GTF3C1: variants seen among roughly 807,000 people sequenced by gnomAD.
GTF3C1 encodes the protein general transcription factor 3C polypeptide 1.
GTF3C1 carries 57 observed loss-of-function variants against 226.7 expected under a neutral mutation model. The observed-to-expected ratio is 0.25, with a 90% CI of 0.20 to 0.31. The LOEUF (loss-of-function observed/expected upper bound fraction) is 0.31, where lower values mean the gene tolerates loss of function less well. Among genes scored for constraint, GTF3C1 ranks in the 10% least tolerant of loss-of-function variants. The probability of loss-of-function intolerance (pLI) is 1.00; values close to 1 mark genes in which losing one functional copy is unlikely to be tolerated. For synonymous variants in GTF3C1, 1,090 were observed against 1,084.8 expected (o/e 1.00, Z -0.09); for missense variants, 2,217 against 2,776.1 (o/e 0.80, Z 4.53).
chr16:27,477,010 GT>G (rs2087960951), intron 28 of GTF3C1, among the ~76,000 whole-genome samples: 1 of 152,222 alleles, frequency 6.6e-6, no homozygotes, highest in African/African-American at 2.4e-5. Flanking sequence ...GGCTTGGCCA[GT>G]GATATTCAAG....
chr16:27,500,019 G>A (rs990221907), intron 12 of GTF3C1, among the ~76,000 whole-genome samples: 2 of 151,966 alleles, frequency 1.3e-5, no homozygotes. Flanking sequence ...AGGTTATGTG[G>A]CCCCCCATGC....
chr16:27,489,943 G>A lies in GTF3C1; in HGVS notation c.3152-200C>T, dbSNP rs1340064821. ...AAGTCAGAGGGAACAGAGGAAGAGA[G>A]TTGGAGTGCTGGTGGGTGACCTAAG... On this transcript the variant is annotated intron_variant, in intron 19 of 36. Coordinates refer to ENST00000356183, the MANE Select transcript of GTF3C1 (RefSeq NM_001520.4). 2.0e-5 allele frequency among the ~76,000 whole-genome samples: 3 copies of A among 152,256 alleles called. No homozygotes were observed. The East Asian group carries it at 5.8e-4, about 29-fold the overall frequency.
chr16:27,467,398 C>G (rs989326805), intron 32 of GTF3C1, among the ~76,000 whole-genome samples: 1 of 152,182 alleles, frequency 6.6e-6, no homozygotes, highest in African/African-American at 2.4e-5. Context: ...AGACCTACTG[C>G]TCAGACTAAA....
In GTF3C1 at chr16:27,484,204, G is replaced by A; in HGVS notation, c.4001+7C>T. ...TCCCGGAGTGACGGGGCTTCAATGA[G>A]GCTTACTTATAGTTGAGATAGGCCT... On this transcript the variant is annotated splice_region_variant and intron_variant, in intron 25 of 36. Transcript: ENST00000356183. The A allele has an allele frequency of 6.3e-7, 1 of 1,595,956 alleles. No homozygotes were observed. Among genetic ancestry groups the A allele is most frequent in the Non-Finnish European group, 8.6e-7 (1 of 1,163,580 alleles).
Position 27,469,614 on chromosome 16 carries a change from C to G in GTF3C1, c.4815-64G>C, listed in dbSNP as rs2087836558. 6.5e-7 allele frequency: 1 copy of G among 1,543,326 alleles called. No individual in the cohort carries two copies. Among genetic ancestry groups the G allele is most frequent in the South Asian group, 1.2e-5 (1 of 82,340 alleles). On this transcript the variant is annotated intron_variant, in intron 31 of 36. Coordinates refer to ENST00000356183, the MANE Select transcript of GTF3C1 (RefSeq NM_001520.4). The surrounding 1 kb of genome is among the most constrained non-coding windows in gnomAD (Gnocchi z 4.5). ...CAGCCAGTTGCTACTGCAGCCTCTC[C>G]CCTCCCTCAAGAGGCCTCTGTGGCT... is the stretch of plus-strand genomic sequence containing the variant.
chr16:27,471,593 G>T lies in GTF3C1; in HGVS notation c.4526+155C>A. 1.6e-6 allele frequency: 1 copy of T among 633,822 alleles called. No homozygotes were observed. The highest frequency in any genetic ancestry group is 2.8e-6 in the Non-Finnish European group (1 of 354,926). The allele number at this position is 633,822 out of a possible 1,614,324, so 39.3% of individuals were successfully genotyped here. A position where few individuals can be genotyped will look rare whatever the true frequency, so the allele number is the denominator to read the frequency against. ...ATCCCCATACCACGAAGGAGGTAAG[G>T]GGCTGCAGGAAACCCAAGCCGGCAT... On this transcript the variant is annotated intron_variant, in intron 30 of 36. Coordinates refer to ENST00000356183, the MANE Select transcript of GTF3C1 (RefSeq NM_001520.4). This position sits in a 1 kb window ranked among gnomAD's most constrained non-coding sequence, Gnocchi z 5.0.
Position 27,471,193 on chromosome 16 carries a change from G to C in GTF3C1, c.4526+555C>G, listed in dbSNP as rs2087862701. Among the ~76,000 whole-genome samples, 1 of 152,256 alleles carries C rather than the reference G, an allele frequency of 6.6e-6. No homozygotes were observed. Among genetic ancestry groups the C allele is most frequent in the Non-Finnish European group, 1.5e-5 (1 of 68,050 alleles). On this transcript the variant is annotated intron_variant, in intron 30 of 36. Coordinates refer to ENST00000356183, the MANE Select transcript of GTF3C1 (RefSeq NM_001520.4). This position sits in a 1 kb window ranked among gnomAD's most constrained non-coding sequence, Gnocchi z 5.0. ...AATGGTGTGAAGGGGAAGCCGTCAA[G>C]ACGGCAGCTTAGGAATGTTCTCAGG...
chr16:27,474,306 C>T (rs1346645607), intron 29 of GTF3C1, among the ~76,000 whole-genome samples: 6 of 152,198 alleles, frequency 3.9e-5, no homozygotes, highest in Admixed American at 3.3e-4. Context: ...TACCACACAT[C>T]AGAGCCCAGG....
chr16:27,546,531 T>C (rs1027165336), intron 1 of GTF3C1, among the ~76,000 whole-genome samples: 72 of 151,010 alleles, frequency 4.8e-4, no homozygotes, highest in Admixed American at 6.6e-5. Context: ...TAATTTTTTT[T>C]CCCCTCACTA....
intron 28 of GTF3C1, among the ~76,000 whole-genome samples, chr16:27,477,684 A>C (rs990320876): frequency 2.0e-5 from 3 of 152,252 alleles, no homozygotes; most frequent in African/African-American, 7.2e-5. Context: ...AAGATACAAA[A>C]TATAAATTAA....
At chr16:27,484,168 A>G (rs750090210) in intron 25 of GTF3C1, 43 bp downstream of exon 25, 2 of 1,462,416 alleles carry the variant, frequency 1.4e-6, no homozygotes, top group East Asian at 4.6e-5. Flanking sequence ...AAACGGGATA[A>G]CGTAACCGTG....
chr16:27,549,631 G>GCCCCCCCCCCCCC, intron 1 of GTF3C1, 39 bp downstream of exon 1: 3 of 691,952 alleles, frequency 4.3e-6, no homozygotes, highest in Non-Finnish European at 4.9e-6. Flanking sequence ...CGGGCCCTGC[G>GCCCCCCCCCCCCC]CCCGCCCGCC....
At chr16:27,502,751 A>G in intron 11 of GTF3C1, 108 bp downstream of exon 11, 1 of 1,131,790 alleles carries the variant, frequency 8.8e-7, no homozygotes, top group African/African-American at 1.5e-5. Context: ...ACACAGTGGG[A>G]CAGAGATTTG....
rs1567392348 is a variant in GTF3C1, at chr16:27,485,876, C to G, written c.3858+121G>C. 39 of 610,970 alleles carry G rather than the reference C, an allele frequency of 6.4e-5. No individual in the cohort carries two copies. The East Asian group carries it at 1.1e-3, about 18-fold the overall frequency. The allele number at this position is 610,970 out of a possible 1,614,324, so 37.8% of individuals were successfully genotyped here. A position where few individuals can be genotyped will look rare whatever the true frequency, so the allele number is the denominator to read the frequency against. On this transcript the variant is annotated intron_variant, in intron 24 of 36. Coordinates refer to ENST00000356183, the MANE Select transcript of GTF3C1 (RefSeq NM_001520.4). ...GTGTAGGATTCTGGGCAATGCTTTT[C>G]CCAGTGGCGAAGCAGAGCAGCTGAG...
intron 5 of GTF3C1, 132 bp from the exon 6 acceptor site, chr16:27,528,853 T>C (rs766947566): frequency 4.5e-6 from 4 of 892,512 alleles, no homozygotes; most frequent in Non-Finnish European, 7.2e-6. Context: ...GAGGAAAGCC[T>C]GCCAAGCTAC....
At position 27,465,552 on chromosome 16, in the gene GTF3C1, C is replaced by A. The variant is rs982595782; in HGVS notation, c.5075-12G>T. On this transcript the variant is annotated splice_polypyrimidine_tract_variant and intron_variant, in intron 32 of 36. Transcript: ENST00000356183. Reference sequence around the variant, plus strand: ...TTCCAGAGGAGCGGCTGTGGGGACACAGAGGAAGATCAGAGGCAGCCCGAC... The same window carrying A: ...TTCCAGAGGAGCGGCTGTGGGGACAAAGAGGAAGATCAGAGGCAGCCCGAC... The A allele has an allele frequency of 1.3e-6, 2 of 1,590,860 alleles. No homozygotes were observed. Among genetic ancestry groups the A allele is most frequent in the South Asian group, 1.1e-5 (1 of 90,244 alleles).
rs760978700 is a variant in GTF3C1, at chr16:27,465,481, G to A, written c.5134C>T (p.Leu1712=). The change falls in exon 33 of 37, where the codon CTG becomes TTG. Residue 1712 remains leucine, a synonymous_variant. Transcript: ENST00000356183. The part of the protein sequence containing the change: ...TSCLPDTFTK[L]INPQENTCSL... ...CAGGTGTTTTCCTGGGGGTTTATCAGCTTGGTGAACGTATCAGGGAGGCAG... is the reference window on the plus strand; with the variant it reads ...CAGGTGTTTTCCTGGGGGTTTATCAACTTGGTGAACGTATCAGGGAGGCAG... 1.9e-6 allele frequency: 3 copies of A among 1,607,822 alleles called. No homozygotes were observed. The African/African-American group carries it at 4.0e-5, about 21-fold the overall frequency.
Position 27,463,052 on chromosome 16 carries a change from G to A in GTF3C1, c.5924+489C>T, listed in dbSNP as rs761304936. 15 of 173,224 alleles carry A rather than the reference G, an allele frequency of 8.7e-5. No homozygotes were observed. Among genetic ancestry groups the A allele is most frequent in the Admixed American group, 1.2e-4 (2 of 17,174 alleles). 10.7% of individuals were successfully genotyped at this position (173,224 alleles called of 1,614,324 possible). ...CTGAGCTCTTGAAAGCCAGGACACA[G>A]GGCACTTGGGCCCTGCCAATCTGGG... On this transcript the variant is annotated intron_variant, in intron 35 of 36. Coordinates refer to ENST00000356183, the MANE Select transcript of GTF3C1 (RefSeq NM_001520.4). This position sits in a 1 kb window ranked among gnomAD's most constrained non-coding sequence, Gnocchi z 4.9.
rs2088132759 is a variant in GTF3C1 at position 27,486,018 on chromosome 16, G to A, written c.3837C>T (p.Ala1279=). The part of the protein sequence containing the change: ...EDGLLVLCRI[A]SNVLNTKVKG... Reference sequence around the variant, plus strand: ...GTACCTTGGTGTTGAGGACATTGCTGGCAATGCGGCACAGCACAAGCAGCC... The same window carrying A: ...GTACCTTGGTGTTGAGGACATTGCTAGCAATGCGGCACAGCACAAGCAGCC... Residue 1279 remains alanine (A), a synonymous_variant, in exon 24 of 37, where the codon GCC becomes GCT. Coordinates refer to ENST00000356183, the MANE Select transcript of GTF3C1 (RefSeq NM_001520.4). 1.2e-6 allele frequency: 2 copies of A among 1,609,876 alleles called. No homozygotes were observed. The highest frequency in any genetic ancestry group is 1.3e-5 in the African/African-American group (1 of 74,728).
Sources: allele counts gnomAD v4.1 joint callset (sites outside exome capture counted in the v4.1 genomes callset), GRCh38; gene constraint gnomAD v4.1.1; non-coding constraint Gnocchi (gnomAD v3.1); transcripts MANE v1.5; gene names NCBI Gene and HGNC (gene_info 2026-07-23, HGNC 2026-07-21).